Variants in BPIFB2 observed in about 807,000 individuals in gnomAD.
BPIFB2 encodes BPI fold-containing family B member 2.
Under a neutral mutation model 50.1 loss-of-function variants are expected in BPIFB2, and 39 were observed. The observed-to-expected ratio is 0.78, with a 90% CI of 0.60 to 1.02. BPIFB2 has a LOEUF of 1.02. BPIFB2 is among the 50% of genes least tolerant of loss of function. The probability of loss-of-function intolerance (pLI) is 0.00; values close to 1 mark genes in which losing one functional copy is unlikely to be tolerated. For synonymous variants in BPIFB2, 280 were observed against 256.3 expected, an observed-to-expected ratio of 1.09 and a Z score of -0.88; for missense variants, 574 against 585.8, an observed-to-expected ratio of 0.98 and a Z score of 0.21.
In BPIFB2 at chr20:33,008,546, A is replaced by C. The variant is rs1475248989; in HGVS notation, c.-29A>C. 2.6e-6 allele frequency: 4 copies of C among 1,547,928 alleles called. No homozygotes were observed. The highest frequency in any genetic ancestry group is 2.6e-6 in the Non-Finnish European group (3 of 1,143,466). On this transcript the variant is annotated 5_prime_UTR_variant, in exon 2 of 16. Transcript: ENST00000170150. ...GATGCTCATTTCTACCCCAGCCCAC[A>C]GATCCTGTGGGCAGCGGCCAGGGCA...
At position 33,020,562 on chromosome 20, in the gene BPIFB2, C is replaced by G; in HGVS notation, c.1169C>G (p.Ala390Gly). Residue 390 changes from alanine (A) to glycine (G), a missense_variant, in exon 13 of 16, where the codon GCC becomes GGC. Transcript: ENST00000170150. The part of the protein sequence containing the change: ...SVLGDVQLTV[A>G]SSNVGFIDTD... The stretch of plus-strand genomic sequence containing the variant: ...TTCAGGGATGTCCAGCTCACGGTGG[C>G]CTCCTCCAACGTGGGCTTCATTGAT... The G allele has an allele frequency of 6.2e-7, 1 of 1,608,954 alleles. No homozygotes were observed. Among genetic ancestry groups the G allele is most frequent in the Non-Finnish European group, 8.5e-7 (1 of 1,176,726 alleles).
intron 8 of BPIFB2, 56 bp downstream of exon 8, chr20:33,018,406 G>T: frequency 6.7e-7 from 1 of 1,497,178 alleles, no homozygotes; most frequent in Admixed American, 1.8e-5. Context: ...GGAGTCCTTG[G>T]TGTTCCAGAA....
rs781689215 is a variant in BPIFB2 at position 33,012,868 on chromosome 20, G to A, written c.269G>A (p.Arg90His). The A allele has an allele frequency of 5.0e-6, 8 of 1,613,788 alleles. No individual in the cohort carries two copies. Among genetic ancestry groups the A allele is most frequent in the Admixed American group, 3.3e-5 (2 of 59,990 alleles). Residue 90 changes from arginine to histidine, a missense_variant, in exon 4 of 16, where the codon CGC (arginine) becomes CAC (histidine). By Grantham distance (29) the Arg-to-His change is conservative (BLOSUM62 0). Coordinates refer to ENST00000170150, the MANE Select transcript of BPIFB2 (RefSeq NM_025227.3). The stretch of plus-strand genomic sequence containing the variant: ...AAATTCATTGCTGGTTTCGGAGTGC[G>A]CCTGCTGGCAGCAGCTAATTTTACT... ...HLKFIAGFGV[R>H]LLAAANFTFK...
intron 5 of BPIFB2, among the ~76,000 whole-genome samples, chr20:33,015,182 C>G (rs1186366592): frequency 6.6e-6 from 1 of 152,212 alleles, no homozygotes. Context: ...GCAACGCCCT[C>G]TCTGTCTCAC....
At chr20:33,012,699 C>A in intron 3 of BPIFB2, 104 bp from the exon 4 acceptor site, 1 of 875,228 alleles carries the variant, frequency 1.1e-6, no homozygotes, top group African/African-American at 1.7e-5. Context: ...TGTCAGAAAG[C>A]CCTTCTTTAT....
chr20:33,014,144 C>T (rs934282995), intron 5 of BPIFB2, among the ~76,000 whole-genome samples, 188 bp downstream of exon 5: 1 of 152,242 alleles, frequency 6.6e-6, no homozygotes, highest in African/African-American at 2.4e-5. Flanking sequence ...TGAGGTCACA[C>T]AGCAAGTGAG....
At chr20:33,010,554 A>G (rs773361850) in intron 2 of BPIFB2, among the ~76,000 whole-genome samples, 2 of 152,118 alleles carry the variant, frequency 1.3e-5, no homozygotes, top group Non-Finnish European at 2.9e-5. Flanking sequence ...TGAAACCAGG[A>G]TCTGAGAGAC....
chr20:33,021,644 A>G, intron 14 of BPIFB2, 79 bp from the exon 15 acceptor site: 1 of 1,389,294 alleles, frequency 7.2e-7, no homozygotes, highest in Non-Finnish European at 1.0e-6. Flanking sequence ...GCCTGCGAGG[A>G]CTCAGTGCTG....
chr20:33,017,385 G>A (rs1978474462), intron 7 of BPIFB2, among the ~76,000 whole-genome samples: 1 of 152,246 alleles, frequency 6.6e-6, no homozygotes, highest in Non-Finnish European at 1.5e-5. Context: ...TAACATTGGA[G>A]AATCCAAGGA....
rs775705063 is a variant in BPIFB2, at chr20:33,020,343, C to G, written c.1096C>G (p.Leu366Val). The G allele has an allele frequency of 6.2e-7, 1 of 1,614,168 alleles. No individual in the cohort carries two copies. The highest frequency in any genetic ancestry group is 1.1e-5 in the South Asian group (1 of 91,086). Reference sequence around the variant, plus strand: ...ATGTGCCCAGGTAGTGAACTTGAGACTCCAGCTCTCTGTGTCCAAGGTGAA... The same window carrying G: ...ATGTGCCCAGGTAGTGAACTTGAGAGTCCAGCTCTCTGTGTCCAAGGTGAA... ...FSLDVVVNLRLQLSVSKVKLQ... is the reference protein window; with the variant it reads ...FSLDVVVNLRVQLSVSKVKLQ... Residue 366 changes from leucine to valine, a missense_variant, in exon 12 of 16, where the codon CTC (leucine) becomes GTC (valine). By Grantham distance (32) the Leu-to-Val change is conservative. Coordinates refer to ENST00000170150, the MANE Select transcript of BPIFB2 (RefSeq NM_025227.3).
chr20:33,018,857 G>A, intron 9 of BPIFB2, 35 bp downstream of exon 9: 2 of 1,592,468 alleles, frequency 1.3e-6, no homozygotes, highest in Non-Finnish European at 1.7e-6. Context: ...GGCCTGTGGG[G>A]CAAGAGCTCC....
At chr20:33,022,036 G>T (rs1432522768) in intron 15 of BPIFB2, among the ~76,000 whole-genome samples, 4 of 152,172 alleles carry the variant, frequency 2.6e-5, no homozygotes, top group African/African-American at 9.7e-5. Context: ...GCCTTCACTT[G>T]TCCCGTGATC....
chr20:33,021,725 C>T lies in BPIFB2; in HGVS notation c.1261C>T (p.Leu421Phe), dbSNP rs1279972331. 9 of 1,614,134 alleles carry T rather than the reference C, an allele frequency of 5.6e-6. No individual in the cohort carries two copies. The highest frequency in any genetic ancestry group is 7.6e-6 in the Non-Finnish European group (9 of 1,179,962). ...CCTTTCTTCTTTCTCGCCTGCAGCTCTCTTGGCCATGGGAATTGCCCTCCC... is the reference window on the plus strand; with the variant it reads ...CCTTTCTTCTTTCTCGCCTGCAGCTTTCTTGGCCATGGGAATTGCCCTCCC... ...EKPLLDHLNA[L>F]LAMGIALPGV... The change falls in exon 15 of 16, where the codon CTC becomes TTC. Residue 421 changes from leucine (L) to phenylalanine (F), a missense_variant and splice_region_variant. Physicochemically the swap from Leu to Phe is conservative, Grantham distance 22 (BLOSUM62 0). Transcript: ENST00000170150.
At chr20:33,013,996 T>G in intron 5 of BPIFB2, 40 bp downstream of exon 5, 1 of 1,591,770 alleles carries the variant, frequency 6.3e-7, no homozygotes, top group South Asian at 1.1e-5. Flanking sequence ...GAATCCCAGA[T>G]GCCAAAGCTG....
chr20:33,008,714 T>C, intron 2 of BPIFB2, 31 bp downstream of exon 2: 2 of 1,545,998 alleles, frequency 1.3e-6, no homozygotes, highest in Non-Finnish European at 1.8e-6. Context: ...TGAGTGTCTG[T>C]GAGCCTGTAC....
At position 33,018,397 on chromosome 20, in the gene BPIFB2, G is replaced by T. The variant is rs1294660234; in HGVS notation, c.669+47G>T. ...CAGAGCTGGGGGCTTGCTGCCTCTG[G>T]AGTCCTTGGTGTTCCAGAAGATTCC... On this transcript the variant is annotated intron_variant, in intron 8 of 15. Transcript: ENST00000170150. 3 of 1,520,896 alleles carry T rather than the reference G, an allele frequency of 2.0e-6. No individual in the cohort carries two copies. The South Asian group carries it at 3.4e-5, about 17-fold the overall frequency. 94.2% of individuals were successfully genotyped at this position (1,520,896 alleles called of 1,614,324 possible). A position where few individuals can be genotyped will look rare whatever the true frequency, so the allele number is the denominator to read the frequency against.
intron 4 of BPIFB2, 129 bp from the exon 5 acceptor site, chr20:33,013,681 T>C: frequency 7.4e-7 from 1 of 1,342,828 alleles, no homozygotes; most frequent in African/African-American, 1.5e-5. Flanking sequence ...CATCTCACTC[T>C]GGGAGTGGGG....
chr20:33,020,435 C>T (rs1415584940), intron 12 of BPIFB2, 40 bp downstream of exon 12: 3 of 1,609,956 alleles, frequency 1.9e-6, no homozygotes, highest in Non-Finnish European at 8.5e-7. Flanking sequence ...TCAGTGTGTT[C>T]TTCTGTGCCA....
intron 3 of BPIFB2, 35 bp from the exon 4 acceptor site, chr20:33,012,768 G>T (rs924625788): frequency 6.5e-7 from 1 of 1,536,162 alleles, no homozygotes; most frequent in Non-Finnish European, 9.0e-7. Flanking sequence ...TGGTTTAATG[G>T]GGGCCACTCT....
Sources: gnomAD v4.1 joint callset for allele counts (sites outside exome capture counted in the v4.1 genomes callset) on GRCh38, gnomAD v4.1.1 for gene constraint, MANE v1.5 for transcripts, NCBI Gene and HGNC (gene_info 2026-07-23, HGNC 2026-07-21) for gene names.